Variants in EYA1 observed in about 807,000 individuals in gnomAD.
The protein encoded by EYA1 is EYA transcriptional coactivator and phosphatase 1.
Under a neutral mutation model 82.0 loss-of-function variants are expected in EYA1, and 16 were observed. That is an observed-to-expected ratio of 0.20 (90% CI 0.13 to 0.30). The LOEUF (loss-of-function observed/expected upper bound fraction) is 0.30. EYA1 is among the 10% of genes least tolerant of loss of function. EYA1 has a pLI of 1.00. For missense variants in EYA1, 633 were observed against 730.7 expected (o/e 0.87, Z 1.54); for synonymous variants, 261 against 264.4 (o/e 0.99, Z 0.12).
chr8:71,388,088 G>C (rs1028657385), intron 2 of EYA1, among the ~76,000 whole-genome samples: 2 of 152,116 alleles, frequency 1.3e-5, no homozygotes, highest in Admixed American at 6.6e-5. Context: ...TTCTAGTCAA[G>C]AAAACTGAGC....
chr8:71,317,478 A>T lies in EYA1; in HGVS notation c.556+74T>A, dbSNP rs574356219. On this transcript the variant is annotated intron_variant, in intron 7 of 17. Transcript: ENST00000340726. ...CCATCATCATTTACTATTTACATGG[A>T]ACATCAGGTTCTACTTTAGAAGTTA... The T allele has an allele frequency of 4.8e-5, 71 of 1,473,832 alleles. 1 individual carries two copies. The Middle Eastern group carries it at 5.5e-4, about 11-fold the overall frequency. The allele number at this position is 1,473,832 out of a possible 1,614,324, so 91.3% of individuals were successfully genotyped here.
In EYA1 at chr8:71,237,096, G is replaced by C. The variant is rs555277947; in HGVS notation, c.1140+7507C>G. On this transcript the variant is annotated intron_variant, in intron 12 of 17. Transcript: ENST00000340726. ...GAGATGGAGTCTCACTCCGTCACCA[G>C]GCTGGAGTGCAGTGGCATGATCTCG... is the stretch of plus-strand genomic sequence containing the variant. 2.0e-5 allele frequency among the ~76,000 whole-genome samples: 3 copies of C among 151,764 alleles called. No individual in the cohort carries two copies. In the East Asian group the frequency reaches 5.8e-4, roughly 29 times the overall value.
intron 2 of EYA1, among the ~76,000 whole-genome samples, chr8:71,494,994 A>G (rs1189123351): frequency 6.6e-6 from 1 of 152,058 alleles, no homozygotes; most frequent in Non-Finnish European, 1.5e-5. Flanking sequence ...GTTTATGGCC[A>G]TTTTCTGTAC....
intron 7 of EYA1, among the ~76,000 whole-genome samples, chr8:71,303,501 C>G (rs1172273723): frequency 3.5e-5 from 5 of 142,562 alleles, no homozygotes; most frequent in Admixed American, 7.0e-5. Flanking sequence ...ACAAATATCC[C>G]CAGAGTGCAA....
intron 2 of EYA1, among the ~76,000 whole-genome samples, chr8:71,496,092 C>T (rs1241501011): frequency 6.6e-6 from 1 of 152,164 alleles, no homozygotes; most frequent in African/African-American, 2.4e-5. Context: ...AATTCAGACA[C>T]TATGCCTAAT....
rs1458940109 is a variant in EYA1, at chr8:71,362,056, A to G, written c.-464T>C. ...TCCTTCCCCACCAAACAGCAGCGGC[A>G]GATAGCATCTGAGAACCCTAGACAA... On this transcript the variant is annotated 5_prime_UTR_variant, in exon 1 of 18. Transcript: ENST00000340726. The G allele has an allele frequency of 9.1e-6, 9 of 985,100 alleles. No homozygotes were observed. Among genetic ancestry groups the G allele is most frequent in the Non-Finnish European group, 9.6e-6 (8 of 829,962 alleles). 61.0% of individuals were successfully genotyped at this position (985,100 alleles called of 1,614,324 possible).
chr8:71,479,357 C>A (rs1004585136), intron 2 of EYA1, among the ~76,000 whole-genome samples: 1 of 152,168 alleles, frequency 6.6e-6, no homozygotes, highest in African/African-American at 2.4e-5. Context: ...CAAATCACAA[C>A]CCACTTGCCT....
chr8:71,295,784 C>A (rs1819530879), intron 9 of EYA1, among the ~76,000 whole-genome samples: 2 of 152,146 alleles, frequency 1.3e-5, no homozygotes, highest in Admixed American at 1.3e-4. Context: ...ATAGAAACTT[C>A]ATTCATAACT....
chr8:71,456,854 G>A lies in EYA1; in HGVS notation c.33+78890C>T, dbSNP rs559111687. Among the ~76,000 whole-genome samples, 105 of 152,248 alleles carry A rather than the reference G, an allele frequency of 6.9e-4. 1 individual carries two copies. In the East Asian group the frequency reaches 0.019, roughly 28 times the overall value. ...CCATTCAGGACTTAGGCATGGGCAA[G>A]GACTTCATGTCTAAAACATGAAAAG... On this transcript the variant is annotated intron_variant, in intron 2 of 18. Transcript: ENST00000643681.
intron 2 of EYA1, among the ~76,000 whole-genome samples, chr8:71,394,007 A>C (rs1220587132): frequency 1.3e-5 from 2 of 152,060 alleles, no homozygotes; most frequent in East Asian, 3.9e-4. Context: ...ATGGTATCTC[A>C]TGGTGGTTTT....
rs191456350 is a variant in EYA1, at chr8:71,453,002, A to G, written c.33+82742T>C. On this transcript the variant is annotated intron_variant, in intron 2 of 18. Transcript: ENST00000643681. ...AAGGAGGAAGTACAAACTCATCATAAAGAAGCTAAAAAACCTTGAAAAAAG... is the reference window on the plus strand; with the variant it reads ...AAGGAGGAAGTACAAACTCATCATAGAGAAGCTAAAAAACCTTGAAAAAAG... Among the ~76,000 whole-genome samples the G allele has an allele frequency of 4.1e-3, 617 of 152,304 alleles. 4 individuals carry two copies. Among genetic ancestry groups the G allele is most frequent in the Non-Finnish European group, 4.3e-3 (292 of 68,024 alleles).
intron 1 of EYA1, among the ~76,000 whole-genome samples, chr8:71,547,336 CCGA>C (rs1347647515): frequency 6.6e-6 from 1 of 152,194 alleles, no homozygotes; most frequent in Non-Finnish European, 1.5e-5. Flanking sequence ...CCTCCGTCCC[CCGA>C]CGTCCCAATC....
upstream of EYA1, among the ~76,000 whole-genome samples, chr8:71,366,747 C>T (rs1291754824): frequency 1.3e-5 from 2 of 151,952 alleles, no homozygotes; most frequent in Non-Finnish European, 2.9e-5. Flanking sequence ...GATTTTTTCC[C>T]TCACTATTGG....
At chr8:71,429,804 T>C (rs775127631) in intron 2 of EYA1, among the ~76,000 whole-genome samples, 13 of 152,292 alleles carry the variant, frequency 8.5e-5, no homozygotes, top group Non-Finnish European at 1.5e-4. Flanking sequence ...ACTATGATTA[T>C]ATTATTCCTG....
intron 3 of EYA1, among the ~76,000 whole-genome samples, chr8:71,353,934 T>G (rs920872985): frequency 1.3e-5 from 2 of 152,122 alleles, no homozygotes; most frequent in African/African-American, 4.8e-5. Flanking sequence ...TATTAATCTA[T>G]GAAGAAATAA....
rs148401521 is a variant in EYA1, at chr8:71,203,473, A to G, written c.1699-4053T>C. ...CTCAGTTGTAACCTGGAGAGGGTAA[A>G]CTGAGCTTGAGCTGAATTTGAAGAA... On this transcript the variant is annotated intron_variant, in intron 17 of 17. Coordinates refer to ENST00000340726, the MANE Select transcript of EYA1 (RefSeq NM_000503.6). Among the ~76,000 whole-genome samples, 601 of 152,306 alleles carry G rather than the reference A, an allele frequency of 3.9e-3. 7 individuals carry two copies. Among genetic ancestry groups the G allele is most frequent in the African/African-American group, 0.014 (577 of 41,560 alleles).
At chr8:71,236,586 T>C (rs1811867026) in intron 12 of EYA1, among the ~76,000 whole-genome samples, 1 of 152,176 alleles carries the variant, frequency 6.6e-6, no homozygotes, top group South Asian at 2.1e-4. Flanking sequence ...GGGTATATTA[T>C]GGGGTTGAGT....
At chr8:71,526,354 A>C (rs1199637110) in intron 2 of EYA1, among the ~76,000 whole-genome samples, 2 of 152,064 alleles carry the variant, frequency 1.3e-5, no homozygotes, top group Admixed American at 6.5e-5. Context: ...TCTCTTCAAA[A>C]ATACTGATTA....
intron 2 of EYA1, among the ~76,000 whole-genome samples, chr8:71,478,734 G>A (rs1809868471): frequency 6.6e-6 from 1 of 152,262 alleles, no homozygotes; most frequent in African/African-American, 2.4e-5. Flanking sequence ...GGGGTCACAG[G>A]AGGCATGGGA....
Sources: gnomAD v4.1 joint callset for allele counts (sites outside exome capture counted in the v4.1 genomes callset) on GRCh38, gnomAD v4.1.1 for gene constraint, MANE v1.5 for transcripts, NCBI Gene and HGNC (gene_info 2026-07-23, HGNC 2026-07-21) for gene names.